The following REPS2 variants were observed in gnomAD, a reference collection of about 807,000 sequenced individuals.
The protein encoded by REPS2 is ralBP1-associated Eps domain-containing protein 2.
REPS2 carries 23 observed loss-of-function variants against 53.6 expected under a neutral mutation model. The observed-to-expected ratio is 0.43, with a 90% CI of 0.31 to 0.61. REPS2 has a LOEUF of 0.61. REPS2 is among the 20% of genes least tolerant of loss of function. The probability of loss-of-function intolerance (pLI) is 0.11; values close to 1 mark genes in which losing one functional copy is unlikely to be tolerated. For synonymous variants in REPS2, 238 were observed against 218.6 expected (o/e 1.09, Z -0.78); for missense variants, 446 against 534.9 (o/e 0.83, Z 1.64).
chrX:16,983,765 A>G (rs1403460895), intron 1 of REPS2, among the ~76,000 whole-genome samples: 1 of 112,639 alleles, frequency 8.9e-6, no homozygotes, highest in Non-Finnish European at 1.9e-5. Context: ...TTGGCCTCCC[A>G]AAGTGCTGGG....
At chrX:17,121,099 C>T (rs1201505485) in intron 14 of REPS2, among the ~76,000 whole-genome samples, 1 of 111,817 alleles carries the variant, frequency 8.9e-6, no homozygotes, top group African/African-American at 3.3e-5. Context: ...ATACAACTGG[C>T]AGCTTCAAAG....
chrX:17,170,240 T>C, the REPS2 span, among the ~76,000 whole-genome samples: 1 of 112,048 alleles, frequency 8.9e-6, no homozygotes, highest in Non-Finnish European at 1.9e-5. Context: ...AAATGGCTCC[T>C]CCAGCGTTCT....
At chrX:17,012,956 G>A (rs1417103289) in intron 2 of REPS2, among the ~76,000 whole-genome samples, 1 of 112,078 alleles carries the variant, frequency 8.9e-6, no homozygotes, top group Non-Finnish European at 1.9e-5. Context: ...CACTGTTGTG[G>A]TCACGATTCT....
chrX:17,049,308 G>A (rs2061948855), intron 6 of REPS2, among the ~76,000 whole-genome samples: 1 of 112,066 alleles, frequency 8.9e-6, no homozygotes. Flanking sequence ...CCAGAAGAAG[G>A]CATTGTTATC....
intron 1 of REPS2, among the ~76,000 whole-genome samples, chrX:16,959,028 A>G (rs1419232993): frequency 2.7e-5 from 3 of 112,352 alleles, no homozygotes; most frequent in Non-Finnish European, 3.8e-5. Context: ...GGTTCTTCCT[A>G]TTTCTCCAAG....
At position 17,152,125 on chromosome X, in the gene REPS2, T is replaced by C. The variant is rs1368581698; in HGVS notation, c.*4644T>C. On this transcript the variant is annotated 3_prime_UTR_variant, in exon 18 of 18. Coordinates refer to ENST00000357277, the MANE Select transcript of REPS2 (RefSeq NM_004726.3). ...GTGAATTTCCCGAGAGCAGCAGACA[T>C]GGAGGGCCAGACTTTAAAAGCAACG... 2.7e-5 allele frequency: 3 copies of C among 111,481 alleles called. No homozygotes were observed. Among genetic ancestry groups the C allele is most frequent in the African/African-American group, 6.5e-5 (2 of 30,631 alleles). The allele number at this position is 111,481 out of a possible 1,213,427, so 9.2% of individuals were successfully genotyped here. A position where few individuals can be genotyped will look rare whatever the true frequency, so the allele number is the denominator to read the frequency against.
At chrX:16,965,865 CG>C (rs2060756947) in intron 1 of REPS2, among the ~76,000 whole-genome samples, 2 of 112,760 alleles carry the variant, frequency 1.8e-5, no homozygotes, top group South Asian at 7.2e-4. Flanking sequence ...CCCGGCACCT[CG>C]GGAGGCCGAG....
chrX:17,054,680 G>T, intron 7 of REPS2, 128 bp from the exon 8 acceptor site: 1 of 649,175 alleles, frequency 1.5e-6, no homozygotes, highest in Non-Finnish European at 2.3e-6. Context: ...AAATGGATTT[G>T]GCTAGGAGGG....
At chrX:17,021,420 T>C (rs1356708886) in intron 2 of REPS2, among the ~76,000 whole-genome samples, 4 of 112,775 alleles carry the variant, frequency 3.5e-5, no homozygotes, top group Non-Finnish European at 5.6e-5. Context: ...GATTGATTGC[T>C]CTGACTTGAT....
At chrX:16,951,640 C>T (rs2060516001) in intron 1 of REPS2, among the ~76,000 whole-genome samples, 1 of 110,246 alleles carries the variant, frequency 9.1e-6, no homozygotes, top group Admixed American at 9.7e-5. Context: ...CCCTTGAGCC[C>T]AGGAGTTTGA....
In REPS2 at chrX:17,087,924, CGATAGATAGATAGATAGATAGATA is replaced by C. The variant is rs35140640; in HGVS notation, c.1516+10550_1516+10573del. ...GGGCAAGGACAGAGTGAGACTCTGT[CGATAGATAGATAGATAGATAGATA>C]GATAGATAGATAGATAGATAGATAG... On this transcript the variant is annotated intron_variant, in intron 13 of 17. Transcript: ENST00000357277. Among the ~76,000 whole-genome samples, 38 of 91,280 alleles carry C rather than the reference CGATAGATAGATAGATAGATAGATA, an allele frequency of 4.2e-4. 1 individual carries two copies. The highest frequency in any genetic ancestry group is 2.0e-3 in the Admixed American group (16 of 8,094). The allele number at this position is 91,280 out of a possible 115,157, so 79.3% of individuals were successfully genotyped here. A position where few individuals can be genotyped will look rare whatever the true frequency, so the allele number is the denominator to read the frequency against.
chrX:17,088,591 T>C (rs983333571), intron 13 of REPS2, among the ~76,000 whole-genome samples: 3 of 105,509 alleles, frequency 2.8e-5, no homozygotes, highest in African/African-American at 1.0e-4. Flanking sequence ...TTCTTTCCTT[T>C]TTTTTTTTTT....
At chrX:17,186,812 C>G in the REPS2 span, among the ~76,000 whole-genome samples, 4 of 111,070 alleles carry the variant, frequency 3.6e-5, no homozygotes, top group Non-Finnish European at 7.5e-5. Flanking sequence ...CCTTCTTGTT[C>G]TGGGTGCTGA....
chrX:17,021,850 G>A (rs1159264008), intron 2 of REPS2, among the ~76,000 whole-genome samples: 2 of 112,246 alleles, frequency 1.8e-5, no homozygotes, highest in African/African-American at 6.5e-5. Context: ...CTTGGTTATT[G>A]AAGGATGAAA....
At position 17,138,798 on chromosome X, in the gene REPS2, C is replaced by T. The variant is rs753422391; in HGVS notation, c.1809-58C>T. On this transcript the variant is annotated intron_variant, in intron 16 of 17. Coordinates refer to ENST00000357277, the MANE Select transcript of REPS2 (RefSeq NM_004726.3). The stretch of plus-strand genomic sequence containing the variant: ...ACCTCTCATGAATCAGAGTTCTGAC[C>T]CTCAAGGGTCCAGACCTCTAAGTCC... 1.5e-5 allele frequency: 12 copies of T among 775,979 alleles called. No individual in the cohort carries two copies. In the East Asian group the frequency reaches 4.1e-4, roughly 27 times the overall value. 63.9% of individuals were successfully genotyped at this position (775,979 alleles called of 1,213,427 possible). A position where few individuals can be genotyped will look rare whatever the true frequency, so the allele number is the denominator to read the frequency against.
downstream of REPS2, among the ~76,000 whole-genome samples, chrX:17,157,959 A>G (rs1259804760): frequency 9.0e-6 from 1 of 111,720 alleles, no homozygotes; most frequent in Non-Finnish European, 1.9e-5. Context: ...GACTGTGGCA[A>G]ATTGGAGACT....
chrX:16,969,482 G>A (rs2060847039), intron 1 of REPS2, among the ~76,000 whole-genome samples: 2 of 108,588 alleles, frequency 1.8e-5, no homozygotes, highest in South Asian at 4.1e-4. Flanking sequence ...CCGGCACCTC[G>A]GGAGGCCGAG....
chrX:17,078,874 A>T (rs1234625126), intron 13 of REPS2, among the ~76,000 whole-genome samples: 2 of 112,363 alleles, frequency 1.8e-5, no homozygotes, highest in East Asian at 5.6e-4. Context: ...ATTTTCAGCA[A>T]GTAGCTTAAT....
At chrX:17,176,989 G>A in the REPS2 span, among the ~76,000 whole-genome samples, 1 of 112,158 alleles carries the variant, frequency 8.9e-6, no homozygotes, top group African/African-American at 3.2e-5. Flanking sequence ...AGCTCTGCTG[G>A]CTTCAGACCC....
Sources: gnomAD v4.1 joint callset for allele counts (sites outside exome capture counted in the v4.1 genomes callset) on GRCh38, gnomAD v4.1.1 for gene constraint, MANE v1.5 for transcripts, NCBI Gene and HGNC (gene_info 2026-07-23, HGNC 2026-07-21) for gene names.